PDZD2: variants seen among roughly 807,000 people sequenced by gnomAD.
The protein encoded by PDZD2 is PDZ domain-containing protein 2.
PDZD2 carries 90 observed loss-of-function variants against 220.7 expected under a neutral mutation model. The observed-to-expected ratio is 0.41, with a 90% CI of 0.34 to 0.49. The LOEUF (loss-of-function observed/expected upper bound fraction) is 0.49. PDZD2 is among the 20% of genes least tolerant of loss of function. The probability of loss-of-function intolerance (pLI) is 0.28; values close to 1 mark genes in which losing one functional copy is unlikely to be tolerated. For missense variants in PDZD2, 3,174 were observed against 3,608.5 expected, an observed-to-expected ratio of 0.88 and a Z score of 3.08; for synonymous variants, 1,375 against 1,450.5, an observed-to-expected ratio of 0.95 and a Z score of 1.18.
At chr5:32,024,662 G>A (rs1015302686) in intron 6 of PDZD2, among the ~76,000 whole-genome samples, 24 of 135,018 alleles carry the variant, frequency 1.8e-4, no homozygotes, top group Admixed American at 8.6e-5. Flanking sequence ...CAGCCTAGGC[G>A]ACAGGGCAAG....
chr5:31,913,345 A>T (rs1299637226), intron 2 of PDZD2, among the ~76,000 whole-genome samples: 7 of 151,672 alleles, frequency 4.6e-5, no homozygotes, highest in Non-Finnish European at 2.9e-5. Context: ...CCTTGGGGAA[A>T]AAAAAAAAAA....
chr5:31,750,381 C>G (rs1237681029), intron 1 of PDZD2, among the ~76,000 whole-genome samples: 1 of 152,188 alleles, frequency 6.6e-6, no homozygotes, highest in African/African-American at 2.4e-5. Context: ...GCTCTTATTT[C>G]AGTCATGCAG....
intron 1 of PDZD2, among the ~76,000 whole-genome samples, chr5:31,786,458 T>C (rs538331008): frequency 9.8e-5 from 15 of 152,312 alleles, no homozygotes; most frequent in Middle Eastern, 3.4e-3. Context: ...TTTCTTCTTG[T>C]ATTCTGGAAA....
At position 32,074,029 on chromosome 5, in the gene PDZD2, G is replaced by C; in HGVS notation, c.2923G>C (p.Glu975Gln). ...YDANDASDEE[E>Q]FDREGDCISL... is the part of the protein sequence containing the mutation. ...TGCCAACGATGCCAGTGATGAGGAA[G>C]AGTTTGACAGAGAAGGGGACTGCAT... Residue 975 changes from glutamate (E) to glutamine (Q), a missense_variant, in exon 18 of 25, where the codon GAG becomes CAG. Glu to Gln is a conservative substitution (Grantham distance 29, BLOSUM62 2). Transcript: ENST00000438447. The C allele has an allele frequency of 6.2e-7, 1 of 1,614,178 alleles. No individual in the cohort carries two copies. Among genetic ancestry groups the C allele is most frequent in the Non-Finnish European group, 8.5e-7 (1 of 1,180,012 alleles).
intron 2 of PDZD2, among the ~76,000 whole-genome samples, chr5:31,846,619 G>A (rs1757601119): frequency 6.6e-6 from 1 of 152,240 alleles, no homozygotes; most frequent in African/African-American, 2.4e-5. Context: ...CACCCCGTCT[G>A]TGTGTCAGCT....
At chr5:31,803,296 T>A (rs1419643425) in intron 2 of PDZD2, among the ~76,000 whole-genome samples, 4 of 136,894 alleles carry the variant, frequency 2.9e-5, no homozygotes, top group Admixed American at 8.0e-5. Flanking sequence ...AGAGATGGTA[T>A]CTTACTATGT....
intron 1 of PDZD2, among the ~76,000 whole-genome samples, chr5:31,674,992 C>T (rs367785549): frequency 1.1e-4 from 17 of 152,262 alleles, no homozygotes; most frequent in East Asian, 7.7e-4. Context: ...GTGCTAACCA[C>T]CCTGTATGTG....
chr5:31,775,666 T>C (rs1026143280), intron 1 of PDZD2, among the ~76,000 whole-genome samples: 4 of 108,818 alleles, frequency 3.7e-5, no homozygotes, highest in Non-Finnish European at 5.8e-5. Flanking sequence ...TCACAGAGCG[T>C]GTGTGTGTGT....
chr5:32,070,768 G>A (rs1308561515), intron 15 of PDZD2, among the ~76,000 whole-genome samples: 1 of 152,248 alleles, frequency 6.6e-6, no homozygotes, highest in Non-Finnish European at 1.5e-5. Context: ...GGCCAAGGCG[G>A]GCAGATCACC....
At position 32,073,944 on chromosome 5, in the gene PDZD2, C is replaced by T. The variant is rs1193987082; in HGVS notation, c.2838C>T (p.Pro946=). ...CAGTTGCCAGACAAGCCAGTCTCCC[C>T]GGAAGCCCACAGGCCCTCCGAAACC... The part of the protein sequence containing the change: ...QVTVARQASL[P]GSPQALRNPL... Residue 946 remains proline (P), a synonymous_variant, in exon 18 of 25, where the codon CCC becomes CCT. Coordinates refer to ENST00000438447, the MANE Select transcript of PDZD2 (RefSeq NM_178140.4). 5.0e-6 allele frequency: 8 copies of T among 1,614,074 alleles called. No homozygotes were observed. The highest frequency in any genetic ancestry group is 1.1e-5 in the South Asian group (1 of 91,070).
chr5:31,846,057 C>G (rs946995967), intron 2 of PDZD2, among the ~76,000 whole-genome samples: 1 of 152,218 alleles, frequency 6.6e-6, no homozygotes, highest in Admixed American at 6.5e-5. Flanking sequence ...ATGAACTGTT[C>G]TGTTCCTGGG....
intron 2 of PDZD2, among the ~76,000 whole-genome samples, chr5:31,863,684 C>T (rs1168857353): frequency 3.9e-5 from 6 of 152,102 alleles, no homozygotes; most frequent in Admixed American, 3.3e-4. Context: ...GGTTAGTGGG[C>T]TGTTGTCTTA....
chr5:31,920,145 A>G (rs1329653475), intron 2 of PDZD2, among the ~76,000 whole-genome samples: 1 of 151,938 alleles, frequency 6.6e-6, no homozygotes, highest in East Asian at 1.9e-4. Context: ...TTAGCCAGGC[A>G]TAGTGGCACG....
chr5:32,031,852 AT>A (rs1368453722), intron 6 of PDZD2, among the ~76,000 whole-genome samples: 1 of 152,150 alleles, frequency 6.6e-6, no homozygotes, highest in African/African-American at 2.4e-5. Flanking sequence ...CATAAATACG[AT>A]TGTTCCTATT....
At chr5:31,822,958 C>A in intron 2 of PDZD2, 1 of 1,087,806 alleles carries the variant, frequency 9.2e-7, no homozygotes, top group Non-Finnish European at 1.4e-6. Context: ...GTTACCCCAC[C>A]ATTTGTCAAC....
rs1404801661 is a variant in PDZD2, at chr5:31,782,019, C to T, written c.-360-16870C>T. On this transcript the variant is annotated intron_variant, in intron 1 of 24. Transcript: ENST00000438447. ...CAGGTCTGACTCATTCACTCTATGC[C>T]GGCACAGTGTGGGTGGCCGTGGCCC... Among the ~76,000 whole-genome samples, 6 of 152,120 alleles carry T rather than the reference C, an allele frequency of 3.9e-5. No homozygotes were observed. The East Asian group carries it at 7.7e-4, about 20-fold the overall frequency.
At chr5:31,683,539 A>G (rs186953567) in intron 1 of PDZD2, among the ~76,000 whole-genome samples, 42 of 152,344 alleles carry the variant, frequency 2.8e-4, no homozygotes, top group Admixed American at 2.2e-3. Context: ...GTACATGGAC[A>G]CTCATACATT....
chr5:31,813,445 G>A (rs1189856345), intron 2 of PDZD2, among the ~76,000 whole-genome samples: 5 of 72,198 alleles, frequency 6.9e-5, no homozygotes, highest in South Asian at 4.6e-4. Flanking sequence ...GCGAGACTCC[G>A]TCTCAAAAAA....
At chr5:31,860,302 T>C (rs959608595) in intron 2 of PDZD2, among the ~76,000 whole-genome samples, 1 of 152,126 alleles carries the variant, frequency 6.6e-6, no homozygotes, top group Non-Finnish European at 1.5e-5. Context: ...CCCTTCCGCC[T>C]CAGTGCATGT....
Sources: gnomAD v4.1 joint callset for allele counts (sites outside exome capture counted in the v4.1 genomes callset) on GRCh38, gnomAD v4.1.1 for gene constraint, MANE v1.5 for transcripts, NCBI Gene and HGNC (gene_info 2026-07-23, HGNC 2026-07-21) for gene names.